The following ZFPM1 variants were observed in gnomAD, a reference collection of about 807,000 sequenced individuals.
ZFPM1 encodes the protein zinc finger protein ZFPM1.
ZFPM1 carries 28 observed loss-of-function variants against 46.3 expected under a neutral mutation model. That is an observed-to-expected ratio of 0.60 (90% confidence interval 0.45 to 0.83). The LOEUF (loss-of-function observed/expected upper bound fraction) is 0.83. Among genes scored for constraint, ZFPM1 ranks in the 40% least tolerant of loss-of-function variants. The probability of loss-of-function intolerance (pLI) is 0.00; values close to 1 mark genes in which losing one functional copy is unlikely to be tolerated. For missense variants in ZFPM1, 1,878 were observed against 1,432.4 expected, an observed-to-expected ratio of 1.31 and a Z score of -5.02; for synonymous variants, 957 against 675.9, an observed-to-expected ratio of 1.42 and a Z score of -6.45.
intron 3 of ZFPM1, among the ~76,000 whole-genome samples, chr16:88,491,577 G>A (rs1411553320): frequency 2.0e-5 from 3 of 152,232 alleles, no homozygotes; most frequent in Non-Finnish European, 4.4e-5. Flanking sequence ...CATCCCTGCG[G>A]TGTTGAGAGG....
chr16:88,461,642 CATT>C (rs1907896866), intron 1 of ZFPM1, among the ~76,000 whole-genome samples: 1 of 152,134 alleles, frequency 6.6e-6, no homozygotes. Context: ...CTGCCGGTTG[CATT>C]ATTGATATTT....
At chr16:88,479,304 G>C (rs1305060060) in intron 1 of ZFPM1, among the ~76,000 whole-genome samples, 1 of 152,070 alleles carries the variant, frequency 6.6e-6, no homozygotes, top group Non-Finnish European at 1.5e-5. Context: ...CCTGCTTGGC[G>C]AGATTCACGG....
At chr16:88,502,976 C>T (rs1011356786) in intron 3 of ZFPM1, among the ~76,000 whole-genome samples, 9 of 152,262 alleles carry the variant, frequency 5.9e-5, no homozygotes, top group African/African-American at 2.2e-4. Flanking sequence ...CCAACCCCAC[C>T]AGCCATGAAG....
At chr16:88,527,051 G>A (rs2142475436) in intron 5 of ZFPM1, 135 bp downstream of exon 5, 1 of 1,387,422 alleles carries the variant, frequency 7.2e-7, no homozygotes, top group Non-Finnish European at 9.6e-7. Flanking sequence ...CTGGCCCCGG[G>A]CGCTGCAGCA....
rs1180082107 is a variant in ZFPM1, at chr16:88,471,283, G to A, written c.41-14656G>A. On this transcript the variant is annotated intron_variant, in intron 1 of 9. Coordinates refer to ENST00000319555, the MANE Select transcript of ZFPM1 (RefSeq NM_153813.3). This position sits in a 1 kb window ranked among gnomAD's most constrained non-coding sequence, Gnocchi z 4.1. Reference sequence around the variant, plus strand: ...GCAGCCATGTGTGACCTCCACCCTCGCGAAGGCCAGCGGCCGCAGGGTCTG... The same window carrying A: ...GCAGCCATGTGTGACCTCCACCCTCACGAAGGCCAGCGGCCGCAGGGTCTG... 2.0e-5 allele frequency among the ~76,000 whole-genome samples: 3 copies of A among 152,232 alleles called. No individual in the cohort carries two copies. Among genetic ancestry groups the A allele is most frequent in the Admixed American group, 2.0e-4 (3 of 15,292 alleles).
In ZFPM1 at chr16:88,532,701, C is replaced by T. The variant is rs1213025476; in HGVS notation, c.1034C>T (p.Thr345Met). The change falls in exon 8 of 10, where the codon ACG becomes ATG. Residue 345 changes from threonine to methionine, a missense_variant. Thr to Met is a moderately conservative substitution (Grantham distance 81, BLOSUM62 -1). Transcript: ENST00000319555. ...CERHLKVHTD[T>M]LSGVCHSCGF... is the part of the protein sequence containing the mutation. Reference sequence around the variant, plus strand: ...CGGCACCTCAAGGTGCACACGGACACGCTGAGCGGTAGGCACCGCAGGGGC... The same window carrying T: ...CGGCACCTCAAGGTGCACACGGACATGCTGAGCGGTAGGCACCGCAGGGGC... 1.9e-6 allele frequency: 3 copies of T among 1,611,162 alleles called. No homozygotes were observed. Among genetic ancestry groups the T allele is most frequent in the South Asian group, 2.2e-5 (2 of 90,834 alleles).
At chr16:88,478,278 C>T (rs950799504) in intron 1 of ZFPM1, among the ~76,000 whole-genome samples, 5 of 152,226 alleles carry the variant, frequency 3.3e-5, no homozygotes, top group African/African-American at 1.2e-4. Flanking sequence ...CTCTAGTAAG[C>T]CGCACCCTCA....
intron 3 of ZFPM1, among the ~76,000 whole-genome samples, chr16:88,500,458 T>C (rs893276333): frequency 4.6e-5 from 7 of 152,228 alleles, no homozygotes; most frequent in African/African-American, 1.7e-4. Flanking sequence ...TACACCCGTG[T>C]CACCACCAGC....
intron 3 of ZFPM1, among the ~76,000 whole-genome samples, chr16:88,491,077 G>GGGTCCCGGTCAGGCGCTGGTGCCTTCGCC (rs1567536486): frequency 6.9e-6 from 1 of 144,662 alleles, no homozygotes; most frequent in African/African-American, 2.5e-5. Flanking sequence ...GTGCCTTCGC[G>GGGTCCCGGTCAGGCGCTGGTGCCTTCGCC]GGTCCCAGTC....
intron 1 of ZFPM1, among the ~76,000 whole-genome samples, chr16:88,483,442 G>C (rs922042141): frequency 2.0e-5 from 3 of 151,984 alleles, no homozygotes; most frequent in African/African-American, 7.3e-5. Flanking sequence ...CTCTGGCCCC[G>C]CCCCAGGGCC....
chr16:88,503,926 G>A (rs1201741793), intron 3 of ZFPM1, among the ~76,000 whole-genome samples: 1 of 144,012 alleles, frequency 6.9e-6, no homozygotes, highest in African/African-American at 2.6e-5. Flanking sequence ...TTTTCTGGAA[G>A]GGACTTTTCC....
rs1907760454 is a variant in ZFPM1, at chr16:88,460,308, G to A, written c.40+6630G>A. On this transcript the variant is annotated intron_variant, in intron 1 of 9. Transcript: ENST00000319555. Reference sequence around the variant, plus strand: ...CCCGGAGAGCAGTGGGCTGCTCTCAGCCTGGGAAGGTGGGTCAGGAGGAGT... The same window carrying A: ...CCCGGAGAGCAGTGGGCTGCTCTCAACCTGGGAAGGTGGGTCAGGAGGAGT... Among the ~76,000 whole-genome samples, 4 of 152,334 alleles carry A rather than the reference G, an allele frequency of 2.6e-5. No individual in the cohort carries two copies. In the Middle Eastern group the frequency reaches 0.01, roughly 389 times the overall value.
At chr16:88,505,768 G>A (rs1910619233) in intron 3 of ZFPM1, among the ~76,000 whole-genome samples, 1 of 150,930 alleles carries the variant, frequency 6.6e-6, no homozygotes, top group Admixed American at 6.6e-5. Flanking sequence ...ATCTTGGCAA[G>A]GAGACCACCG....
In ZFPM1 at chr16:88,532,603, C is replaced by G. The variant is rs1260927395; in HGVS notation, c.947-11C>G. Reference sequence around the variant, plus strand: ...GGCCCGGGCACCGCTCTTACGCGCCCTGTGTTCCAGGAGAGCGGCCCTTCG... The same window carrying G: ...GGCCCGGGCACCGCTCTTACGCGCCGTGTGTTCCAGGAGAGCGGCCCTTCG... On this transcript the variant is annotated splice_polypyrimidine_tract_variant and intron_variant, in intron 7 of 9. Transcript: ENST00000319555. 6.4e-7 allele frequency: 1 copy of G among 1,558,164 alleles called. No individual in the cohort carries two copies. Among genetic ancestry groups the G allele is most frequent in the Non-Finnish European group, 8.7e-7 (1 of 1,150,810 alleles).
intron 1 of ZFPM1, among the ~76,000 whole-genome samples, chr16:88,467,919 G>A (rs879270749): frequency 2.6e-5 from 4 of 152,244 alleles, no homozygotes; most frequent in Non-Finnish European, 5.9e-5. Context: ...TGCTCGAGCT[G>A]AGCGGCCCCC....
Position 88,523,219 on chromosome 16 carries a change from A to AG in ZFPM1, c.403-3595_403-3594insG, listed in dbSNP as rs1339851282. Among the ~76,000 whole-genome samples, 3 of 151,932 alleles carry AG rather than the reference A, an allele frequency of 2.0e-5. No homozygotes were observed. In the South Asian group the frequency reaches 6.2e-4, roughly 32 times the overall value. On this transcript the variant is annotated intron_variant, in intron 4 of 9. Coordinates refer to ENST00000319555, the MANE Select transcript of ZFPM1 (RefSeq NM_153813.3). ...GAGACTTCATCTCAAAAAAAAAAAAAAAATAGGCCCCCTTCCCCCTTGCTC... is the reference window on the plus strand; with the variant it reads ...GAGACTTCATCTCAAAAAAAAAAAAAGAAATAGGCCCCCTTCCCCCTTGCTC...
chr16:88,453,557 C>A lies in ZFPM1; in HGVS notation c.-82C>A, dbSNP rs1597221598. The stretch of plus-strand genomic sequence containing the variant: ...GGGGCCGGGGGCATGAGCGGCCCCG[C>A]GGCCCCGCCGCGCCCCCGCCGCCCG... On this transcript the variant is annotated 5_prime_UTR_variant, in exon 1 of 10. Transcript: ENST00000319555. 2.7e-6 allele frequency: 2 copies of A among 752,368 alleles called. No homozygotes were observed. The highest frequency in any genetic ancestry group is 5.8e-5 in the South Asian group (1 of 17,216). The allele number at this position is 752,368 out of a possible 1,614,324, so 46.6% of individuals were successfully genotyped here.
At chr16:88,528,002 T>G in intron 5 of ZFPM1, 30 bp from the exon 6 acceptor site, 1 of 1,512,442 alleles carries the variant, frequency 6.6e-7, no homozygotes, top group Non-Finnish European at 8.9e-7. Context: ...GGGCACAAAG[T>G]CCTAGGTTTG....
At chr16:88,467,991 G>T (rs529284165) in intron 1 of ZFPM1, among the ~76,000 whole-genome samples, 1 of 145,272 alleles carries the variant, frequency 6.9e-6, no homozygotes. Flanking sequence ...CTCTCAACCC[G>T]CACACCCGCG....
Sources: gnomAD v4.1 joint callset for allele counts (sites outside exome capture counted in the v4.1 genomes callset) on GRCh38, gnomAD v4.1.1 for gene constraint, Gnocchi (gnomAD v3.1) non-coding constraint, MANE v1.5 for transcripts, NCBI Gene and HGNC (gene_info 2026-07-23, HGNC 2026-07-21) for gene names.